GALNT18: variants seen among roughly 807,000 people sequenced by gnomAD.
The protein encoded by GALNT18 is GalNAc-transferase 18.
Under a neutral mutation model 69.5 loss-of-function variants are expected in GALNT18, and 44 were observed. The observed-to-expected ratio is 0.63, with a 90% confidence interval of 0.50 to 0.81. GALNT18 has a LOEUF of 0.81. GALNT18 is among the 40% of genes least tolerant of loss of function. The pLI is 0.00. For synonymous variants in GALNT18, 364 were observed against 318.2 expected, an observed-to-expected ratio of 1.14 and a Z score of -1.53; for missense variants, 715 against 810.0, an observed-to-expected ratio of 0.88 and a Z score of 1.42.
At position 11,621,141 on chromosome 11, in the gene GALNT18, CTG is replaced by C. The variant is rs1860181777; in HGVS notation, c.235+216_235+217del. ...GCTGCACACATCCGCTCGTGCAGCC[CTG>C]CGCACACACGTGTGCCCCGGGGAAG... On this transcript the variant is annotated intron_variant, in intron 1 of 10. Coordinates refer to ENST00000227756, the MANE Select transcript of GALNT18 (RefSeq NM_198516.3). The surrounding 1 kb of genome is among the most constrained non-coding windows in gnomAD (Gnocchi z 9.3). Among the ~76,000 whole-genome samples the C allele has an allele frequency of 6.6e-6, 1 of 152,198 alleles. No homozygotes were observed. Among genetic ancestry groups the C allele is most frequent in the Admixed American group, 6.5e-5 (1 of 15,290 alleles).
intron 6 of GALNT18, chr11:11,352,642 G>A (rs1218724993): frequency 6.2e-7 from 1 of 1,614,122 alleles, no homozygotes; most frequent in East Asian, 2.2e-5. Flanking sequence ...ATGACATTAT[G>A]GGGCTTGACA....
chr11:11,458,169 T>G (rs967878196), intron 1 of GALNT18, among the ~76,000 whole-genome samples: 2 of 152,224 alleles, frequency 1.3e-5, no homozygotes, highest in Non-Finnish European at 2.9e-5. Context: ...AGCCTTCACT[T>G]TCTTCACTTG....
chr11:11,548,338 G>GA (rs1434890686), intron 1 of GALNT18, among the ~76,000 whole-genome samples: 1 of 152,098 alleles, frequency 6.6e-6, no homozygotes, highest in East Asian at 1.9e-4. Context: ...GCAGTAGGTA[G>GA]AAAAAAGAGA....
intron 1 of GALNT18, among the ~76,000 whole-genome samples, chr11:11,479,645 A>T (rs760416041): frequency 2.4e-4 from 36 of 152,310 alleles, no homozygotes; most frequent in Admixed American, 4.6e-4. Context: ...TCTAAAAATA[A>T]TGATTTATTT....
At position 11,302,990 on chromosome 11, in the gene GALNT18, G is replaced by T. The variant is rs542570186; in HGVS notation, c.1513-9797C>A. 2.3e-4 allele frequency among the ~76,000 whole-genome samples: 35 copies of T among 152,306 alleles called. 1 individual carries two copies. The highest frequency in any genetic ancestry group is 6.8e-3 in the Middle Eastern group (2 of 294). ...ATAGGACAAAGCTCGAGTGACTCCT[G>T]GAAAACCCATCCCATTCACTTTGAC... is the stretch of plus-strand genomic sequence containing the variant. On this transcript the variant is annotated intron_variant, in intron 9 of 10. Coordinates refer to ENST00000227756, the MANE Select transcript of GALNT18 (RefSeq NM_198516.3).
chr11:11,276,517 C>T (rs1848951031), intron 10 of GALNT18, among the ~76,000 whole-genome samples: 1 of 152,120 alleles, frequency 6.6e-6, no homozygotes, highest in African/African-American at 2.4e-5. Flanking sequence ...ATTTGAATAT[C>T]CTGTATTTCT....
chr11:11,404,478 A>C lies in GALNT18; in HGVS notation c.596-25214T>G, dbSNP rs1286563161. The stretch of plus-strand genomic sequence containing the variant: ...CTGATGTAAGCCCTGGCCCGGAAGG[A>C]GTTAAGGATCAAACGGCGCCCAGGG... On this transcript the variant is annotated intron_variant, in intron 3 of 10. Coordinates refer to ENST00000227756, the MANE Select transcript of GALNT18 (RefSeq NM_198516.3). The surrounding 1 kb of genome is among the most constrained non-coding windows in gnomAD (Gnocchi z 4.5). 1.3e-5 allele frequency among the ~76,000 whole-genome samples: 2 copies of C among 152,194 alleles called. No homozygotes were observed. The highest frequency in any genetic ancestry group is 4.8e-5 in the African/African-American group (2 of 41,448).
rs563001975 is a variant in GALNT18 at position 11,488,376 on chromosome 11, C to T, written c.236-39440G>A. Among the ~76,000 whole-genome samples, 7 of 152,156 alleles carry T rather than the reference C, an allele frequency of 4.6e-5. No individual in the cohort carries two copies. In the South Asian group the frequency reaches 1.2e-3, roughly 27 times the overall value. ...GTCAGCCCAGGTGGATCGAATCCTT[C>T]TCGCATTGAATCACTGTGACTCTCC... On this transcript the variant is annotated intron_variant, in intron 1 of 10. Coordinates refer to ENST00000227756, the MANE Select transcript of GALNT18 (RefSeq NM_198516.3).
chr11:11,580,362 A>T (rs1232871332), intron 1 of GALNT18, among the ~76,000 whole-genome samples: 3 of 152,066 alleles, frequency 2.0e-5, no homozygotes, highest in Non-Finnish European at 4.4e-5. Flanking sequence ...CTCCTCATCA[A>T]ATTTGCTTTC....
intron 1 of GALNT18, among the ~76,000 whole-genome samples, chr11:11,499,780 A>G (rs1856937594): frequency 6.6e-6 from 1 of 152,202 alleles, no homozygotes; most frequent in African/African-American, 2.4e-5. Context: ...ACCTCTGCTG[A>G]CCCAATTTAG....
Position 11,339,889 on chromosome 11 carries a change from C to T in GALNT18, c.1278+930G>A, listed in dbSNP as rs1222519457. The stretch of plus-strand genomic sequence containing the variant: ...TTGGTGTAGAGTTTAGGTAACAGGG[C>T]TTTCATATGATCACTTTGAGCGAAG... On this transcript the variant is annotated intron_variant, in intron 7 of 10. Transcript: ENST00000227756. The surrounding 1 kb of genome is among the most constrained non-coding windows in gnomAD (Gnocchi z 5.2). Among the ~76,000 whole-genome samples, 1 of 152,108 alleles carries T rather than the reference C, an allele frequency of 6.6e-6. No individual in the cohort carries two copies. The highest frequency in any genetic ancestry group is 1.9e-4 in the East Asian group (1 of 5,178).
In GALNT18 at chr11:11,404,402, G is replaced by A. The variant is rs1436579439; in HGVS notation, c.596-25138C>T. On this transcript the variant is annotated intron_variant, in intron 3 of 10. Transcript: ENST00000227756. The surrounding 1 kb of genome is among the most constrained non-coding windows in gnomAD (Gnocchi z 4.5). ...CTCCCTAGGGAAAGCAAATGCCCAT[G>A]AAATTTAGCAAGGCAAGAGGAGCAG... Among the ~76,000 whole-genome samples the A allele has an allele frequency of 6.6e-6, 1 of 152,208 alleles. No homozygotes were observed. The highest frequency in any genetic ancestry group is 1.5e-5 in the Non-Finnish European group (1 of 68,044).
At position 11,372,590 on chromosome 11, in the gene GALNT18, C is replaced by T; in HGVS notation, c.1017G>A (p.Gln339=). The T allele has an allele frequency of 6.2e-7, 1 of 1,614,190 alleles. No homozygotes were observed. Among genetic ancestry groups the T allele is most frequent in the Non-Finnish European group, 8.5e-7 (1 of 1,180,032 alleles). The change falls in exon 6 of 11, where the codon CAG becomes CAA. Residue 339 remains glutamine, a synonymous_variant. Transcript: ENST00000227756. This position sits in a 1 kb window ranked among gnomAD's most constrained non-coding sequence, Gnocchi z 4.9. ...CCAGCAGGCCGATCTCCTGGAAGTA[C>T]TGCCGGTCCACAATGAAGCAGCCAA... is the stretch of plus-strand genomic sequence containing the variant. ...ALIGCFIVDR[Q]YFQEIGLLDE... is the part of the protein sequence containing the mutation.
At chr11:11,457,849 G>A (rs1249972325) in intron 1 of GALNT18, among the ~76,000 whole-genome samples, 3 of 152,248 alleles carry the variant, frequency 2.0e-5, no homozygotes, top group Non-Finnish European at 4.4e-5. Context: ...CTTTTGTCCT[G>A]CAGCCAGTTC....
chr11:11,545,924 T>C (rs1457654698), intron 1 of GALNT18, among the ~76,000 whole-genome samples: 1 of 152,118 alleles, frequency 6.6e-6, no homozygotes, highest in Non-Finnish European at 1.5e-5. Flanking sequence ...TCAACTAGCA[T>C]GCAAGGAAAA....
intron 10 of GALNT18, among the ~76,000 whole-genome samples, chr11:11,281,881 G>A (rs974590709): frequency 3.9e-5 from 6 of 151,954 alleles, no homozygotes; most frequent in African/African-American, 1.2e-4. Context: ...GGAGGGTGGA[G>A]TATGAGGCCA....
chr11:11,344,851 T>C (rs113008776), intron 6 of GALNT18, among the ~76,000 whole-genome samples: 6 of 151,958 alleles, frequency 3.9e-5, no homozygotes, highest in African/African-American at 1.5e-4. Context: ...TGTGGAGTGG[T>C]GTCGGGCTAT....
rs115915679 is a variant in GALNT18, at chr11:11,590,797, C to T, written c.235+30562G>A. 0.011 allele frequency among the ~76,000 whole-genome samples: 1,711 copies of T among 152,264 alleles called. 30 individuals are homozygous for T. The highest frequency in any genetic ancestry group is 0.039 in the African/African-American group (1,630 of 41,538). ...CCTTATGTCACAGCACAATGCATTCCTCAGGTGTTTGTGGTGATGCTTATG... is the reference window on the plus strand; with the variant it reads ...CCTTATGTCACAGCACAATGCATTCTTCAGGTGTTTGTGGTGATGCTTATG... On this transcript the variant is annotated intron_variant, in intron 1 of 10. Coordinates refer to ENST00000227756, the MANE Select transcript of GALNT18 (RefSeq NM_198516.3). The surrounding 1 kb of genome is among the most constrained non-coding windows in gnomAD (Gnocchi z 4.4).
At chr11:11,488,450 C>T (rs749171613) in intron 1 of GALNT18, among the ~76,000 whole-genome samples, 4 of 152,004 alleles carry the variant, frequency 2.6e-5, no homozygotes, top group African/African-American at 9.7e-5. Flanking sequence ...TCCAGGATAA[C>T]CTTCCCAACT....
Sources: gnomAD v4.1 joint callset for allele counts (sites outside exome capture counted in the v4.1 genomes callset) on GRCh38, gnomAD v4.1.1 for gene constraint, Gnocchi (gnomAD v3.1) non-coding constraint, MANE v1.5 for transcripts, NCBI Gene and HGNC (gene_info 2026-07-23, HGNC 2026-07-21) for gene names.